Variants in SLC45A1 observed in about 807,000 individuals in gnomAD.
SLC45A1 encodes the protein proton-associated sugar transporter A.
Under a neutral mutation model 57.6 loss-of-function variants are expected in SLC45A1, and 28 were observed. The observed-to-expected ratio is 0.49, with a 90% confidence interval of 0.36 to 0.67. The LOEUF is 0.67. Ranked by LOEUF, SLC45A1 falls within the 30% of genes least tolerant of loss-of-function variation. The pLI is 0.00. For synonymous variants in SLC45A1, 459 were observed against 471.5 expected (o/e 0.97, Z 0.34); for missense variants, 814 against 1,041.5 (o/e 0.78, Z 3.01).
chr1:8,333,531 G>T (rs1045214397), intron 5 of SLC45A1, among the ~76,000 whole-genome samples: 58 of 152,278 alleles, frequency 3.8e-4, no homozygotes, highest in African/African-American at 1.3e-3. Context: ...AATCTGCCAG[G>T]CCCAAGTGAT....
chr1:8,342,345 G>A (rs984418674), intron 8 of SLC45A1, among the ~76,000 whole-genome samples: 4 of 152,158 alleles, frequency 2.6e-5, no homozygotes, highest in African/African-American at 9.7e-5. Context: ...TTCAGCACAC[G>A]CAGAGTTGTA....
chr1:8,338,051 A>G, intron 7 of SLC45A1, 59 bp downstream of exon 7: 1 of 1,514,754 alleles, frequency 6.6e-7, no homozygotes, highest in Non-Finnish European at 9.0e-7. Flanking sequence ...TCCATGGAGC[A>G]TGCGAAATGA....
intron 4 of SLC45A1, among the ~76,000 whole-genome samples, chr1:8,329,190 C>T (rs1015936116): frequency 2.6e-5 from 4 of 152,132 alleles, no homozygotes; most frequent in Non-Finnish European, 4.4e-5. Context: ...CTGAGTTGGG[C>T]GTGTCTGAAG....
intron 8 of SLC45A1, among the ~76,000 whole-genome samples, chr1:8,341,558 G>GA (rs55944229): frequency 0.75 from 100,154 of 134,134 alleles, 38,057 homozygotes; most frequent in Middle Eastern, 0.92. Flanking sequence ...GTAATACTTT[G>GA]AAAAAAAAAA....
rs1478410899 is a variant in SLC45A1 at position 8,335,069 on chromosome 1, T to A, written c.1444-368T>A. 6.6e-6 allele frequency among the ~76,000 whole-genome samples: 1 copy of A among 152,166 alleles called. No individual in the cohort carries two copies. The highest frequency in any genetic ancestry group is 1.5e-5 in the Non-Finnish European group (1 of 68,020). ...AAATAAGTCGTTCCCAGTCTTCTTTTACAAAAAAGAAAGGACTTCCTAGGC... is the reference window on the plus strand; with the variant it reads ...AAATAAGTCGTTCCCAGTCTTCTTTAACAAAAAAGAAAGGACTTCCTAGGC... On this transcript the variant is annotated intron_variant, in intron 5 of 8. Coordinates refer to ENST00000471889, the MANE Select transcript of SLC45A1 (RefSeq NM_001080397.3). The surrounding 1 kb of genome is among the most constrained non-coding windows in gnomAD (Gnocchi z 4.1).
chr1:8,325,825 G>T lies in SLC45A1; in HGVS notation c.498G>T (p.Leu166=), dbSNP rs757835456. ...PFILVLAIGA[L]LGLSLLLNGR... is the part of the protein sequence containing the mutation. The stretch of plus-strand genomic sequence containing the variant: ...TTGTTTCTCTGTGTCCAGGGGCACT[G>T]CTGGGCCTCTCGCTCTTGCTGAATG... Residue 166 remains leucine (L), a synonymous_variant, in exon 4 of 9, where the codon CTG becomes CTT. Transcript: ENST00000471889. The surrounding 1 kb of genome is among the most constrained non-coding windows in gnomAD (Gnocchi z 6.3). The T allele has an allele frequency of 6.2e-7, 1 of 1,612,968 alleles. No individual in the cohort carries two copies. Among genetic ancestry groups the T allele is most frequent in the Admixed American group, 1.7e-5 (1 of 60,026 alleles).
At chr1:8,322,627 AGT>A (rs1188421664) in intron 1 of SLC45A1, among the ~76,000 whole-genome samples, 1 of 152,116 alleles carries the variant, frequency 6.6e-6, no homozygotes, top group African/African-American at 2.4e-5. Context: ...GTCTAGTGAT[AGT>A]GTGATGGAAA....
intron 7 of SLC45A1, among the ~76,000 whole-genome samples, chr1:8,338,390 T>G (rs904078116): frequency 6.6e-6 from 1 of 152,142 alleles, no homozygotes; most frequent in African/African-American, 2.4e-5. Context: ...GGCAGGGGTG[T>G]GTGGTCGTGG....
chr1:8,337,427 C>CT (rs1398771742), intron 6 of SLC45A1, among the ~76,000 whole-genome samples: 10 of 151,706 alleles, frequency 6.6e-5, no homozygotes, highest in African/African-American at 1.4e-4. Flanking sequence ...TTGCTTGTTA[C>CT]TTTTTTTTTG....
chr1:8,326,292 G>A lies in SLC45A1; in HGVS notation c.715+250G>A, dbSNP rs912001830. The stretch of plus-strand genomic sequence containing the variant: ...ATGTTTATATTCGTGGATTCTCATT[G>A]TTTGAGGTAGTTATGTTCTGCAGAG... On this transcript the variant is annotated intron_variant, in intron 4 of 8. Transcript: ENST00000471889. This position sits in a 1 kb window ranked among gnomAD's most constrained non-coding sequence, Gnocchi z 5.5. Among the ~76,000 whole-genome samples the A allele has an allele frequency of 2.0e-5, 3 of 152,198 alleles. No homozygotes were observed. The highest frequency in any genetic ancestry group is 4.8e-5 in the African/African-American group (2 of 41,450).
chr1:8,324,872 C>G, intron 2 of SLC45A1, 146 bp downstream of exon 2: 1 of 786,602 alleles, frequency 1.3e-6, no homozygotes, highest in South Asian at 2.0e-5. Flanking sequence ...AACACAGGTA[C>G]CACCGGTCAT....
chr1:8,335,465 A>C lies in SLC45A1; in HGVS notation c.1472A>C (p.Lys491Thr). 6.3e-7 allele frequency: 1 copy of C among 1,598,430 alleles called. No individual in the cohort carries two copies. The highest frequency in any genetic ancestry group is 8.5e-7 in the Non-Finnish European group (1 of 1,178,518). Reference protein sequence around the residue: ...QVANILLNGVKYESELTGSSE... With the variant: ...QVANILLNGVTYESELTGSSE... Reference sequence around the variant, plus strand: ...GCCAATATCCTGCTCAACGGCGTGAAGTATGAGAGCGAGCTGACGGGCTCC... The same window carrying C: ...GCCAATATCCTGCTCAACGGCGTGACGTATGAGAGCGAGCTGACGGGCTCC... The change falls in exon 6 of 9, where the codon AAG becomes ACG. Residue 491 changes from lysine to threonine, a missense_variant. Coordinates refer to ENST00000471889, the MANE Select transcript of SLC45A1 (RefSeq NM_001080397.3). The surrounding 1 kb of genome is among the most constrained non-coding windows in gnomAD (Gnocchi z 4.1).
chr1:8,339,534 C>T lies in SLC45A1; in HGVS notation c.1816C>T (p.Leu606Phe). Residue 606 changes from leucine to phenylalanine, a missense_variant, in exon 8 of 9, where the codon CTC (leucine) becomes TTC (phenylalanine). Transcript: ENST00000471889. ...KLEEFLSVRT[L>F]YFIAYLAFGL... ...GGAGGAGTTCCTCAGCGTCCGCACC[C>T]TCTACTTCATCGCCTATCTCGCCTT... The T allele has an allele frequency of 6.2e-7, 1 of 1,614,222 alleles. No individual in the cohort carries two copies. The highest frequency in any genetic ancestry group is 8.5e-7 in the Non-Finnish European group (1 of 1,180,032).
rs111280335 is a variant in SLC45A1 at position 8,327,235 on chromosome 1, GACAC to G, written c.715+1200_715+1203del. Among the ~76,000 whole-genome samples the G allele has an allele frequency of 0.026, 3,963 of 151,242 alleles. 174 individuals are homozygous for G. Among genetic ancestry groups the G allele is most frequent in the African/African-American group, 0.091 (3,770 of 41,326 alleles). On this transcript the variant is annotated intron_variant, in intron 4 of 8. Transcript: ENST00000471889. This position sits in a 1 kb window ranked among gnomAD's most constrained non-coding sequence, Gnocchi z 4.3. ...AATGAGGATTGAGTGTGTGTGCATGGACACACACACGACTATATCCATACCATGC... is the reference window on the plus strand; with the variant it reads ...AATGAGGATTGAGTGTGTGTGCATGGACACACGACTATATCCATACCATGC...
chr1:8,329,507 T>G (rs1370108744), intron 4 of SLC45A1, among the ~76,000 whole-genome samples: 2 of 152,236 alleles, frequency 1.3e-5, no homozygotes, highest in African/African-American at 2.4e-5. Context: ...TGGAAGAAGC[T>G]GCAGTGTTTG....
Position 8,338,055 on chromosome 1 carries a change from G to T in SLC45A1, c.1774+63G>T. 2.0e-6 allele frequency: 3 copies of T among 1,481,334 alleles called. No homozygotes were observed. In the South Asian group the frequency reaches 3.7e-5, roughly 18 times the overall value. The allele number at this position is 1,481,334 out of a possible 1,614,324, so 91.8% of individuals were successfully genotyped here. The stretch of plus-strand genomic sequence containing the variant: ...CTTTGGTTGGGTCCATGGAGCATGC[G>T]AAATGAAGGCAGGTTCATGGCCTTA... On this transcript the variant is annotated intron_variant, in intron 7 of 8. Transcript: ENST00000471889.
At chr1:8,331,061 C>A in intron 5 of SLC45A1, 125 bp downstream of exon 5, 1 of 1,280,178 alleles carries the variant, frequency 7.8e-7, no homozygotes, top group South Asian at 1.5e-5. Context: ...GGGGTGTTAT[C>A]AAGTGCTTTG....
In SLC45A1 at chr1:8,330,618, C is replaced by T. The variant is rs149392083; in HGVS notation, c.1125C>T (p.Ser375=). ...ASSFGTANID[S]VLIDCFTGGH... The stretch of plus-strand genomic sequence containing the variant: ...CCTTTGGCACGGCCAACATAGACAG[C>T]GTCCTCATTGACTGCTTCACGGGCG... The change falls in exon 5 of 9, where the codon AGC becomes AGT. Residue 375 remains serine (S), a synonymous_variant. Coordinates refer to ENST00000471889, the MANE Select transcript of SLC45A1 (RefSeq NM_001080397.3). This position sits in a 1 kb window ranked among gnomAD's most constrained non-coding sequence, Gnocchi z 8.4. The T allele has an allele frequency of 7.6e-4, 1,227 of 1,613,514 alleles. No homozygotes were observed. Among genetic ancestry groups the T allele is most frequent in the Non-Finnish European group, 8.4e-4 (988 of 1,179,994 alleles).
intron 1 of SLC45A1, among the ~76,000 whole-genome samples, chr1:8,318,405 C>G (rs913888529): frequency 2.0e-5 from 3 of 152,342 alleles, no homozygotes; most frequent in Middle Eastern, 3.4e-3. Context: ...GGGAGGGTGC[C>G]GGCCAGATGG....
Sources: gnomAD v4.1 joint callset for allele counts (sites outside exome capture counted in the v4.1 genomes callset) on GRCh38, gnomAD v4.1.1 for gene constraint, Gnocchi (gnomAD v3.1) non-coding constraint, MANE v1.5 for transcripts, NCBI Gene and HGNC (gene_info 2026-07-23, HGNC 2026-07-21) for gene names.